The following PRKG1 variants were observed in gnomAD, a reference collection of about 807,000 sequenced individuals.
PRKG1 encodes the protein protein kinase cGMP-dependent 1.
In PRKG1, 35 loss-of-function variants were observed where a neutral mutation model predicts 88.1. That is an observed-to-expected ratio of 0.40 (90% confidence interval 0.30 to 0.53). The LOEUF (loss-of-function observed/expected upper bound fraction) is 0.53. Ranked by LOEUF, PRKG1 falls within the 20% of genes least tolerant of loss-of-function variation. The pLI is 0.59. For synonymous variants in PRKG1, 303 were observed against 292.5 expected (o/e 1.04, Z -0.37); for missense variants, 540 against 839.8 (o/e 0.64, Z 4.41).
At chr10:51,867,961 G>C (rs1041111498) in intron 4 of PRKG1, among the ~76,000 whole-genome samples, 5 of 151,998 alleles carry the variant, frequency 3.3e-5, no homozygotes, top group Non-Finnish European at 5.9e-5. Context: ...TTGACTTCAC[G>C]TATAAATTCC....
At chr10:51,458,460 A>G (rs1839653645) in intron 2 of PRKG1, among the ~76,000 whole-genome samples, 1 of 151,816 alleles carries the variant, frequency 6.6e-6, no homozygotes, top group Non-Finnish European at 1.5e-5. Flanking sequence ...CAGATATGGT[A>G]TGAATTAAAT....
At chr10:51,386,288 T>C (rs148099343) in intron 2 of PRKG1, among the ~76,000 whole-genome samples, 12 of 152,226 alleles carry the variant, frequency 7.9e-5, no homozygotes, top group African/African-American at 2.9e-4. Context: ...AGTCATGTAT[T>C]ACTCAGGGTT....
chr10:51,895,470 C>A (rs1032686624), intron 4 of PRKG1, among the ~76,000 whole-genome samples: 1 of 152,226 alleles, frequency 6.6e-6, no homozygotes, highest in Middle Eastern at 3.4e-3. Flanking sequence ...TCTTCCTGCC[C>A]TGTCATTTTG....
chr10:52,290,170 G>A, intron 16 of PRKG1, 54 bp from the exon 17 acceptor site: 1 of 1,516,878 alleles, frequency 6.6e-7, no homozygotes, highest in Non-Finnish European at 9.1e-7. Flanking sequence ...ACACTGCAAT[G>A]AGAAGCTTTT....
intron 3 of PRKG1, among the ~76,000 whole-genome samples, chr10:51,643,186 A>T (rs7899688): frequency 2.6e-5 from 4 of 152,138 alleles, no homozygotes; most frequent in Non-Finnish European, 5.9e-5. Context: ...AACAGGTGTC[A>T]TATTTGAGAA....
chr10:51,163,584 G>T (rs1846428615), intron 2 of PRKG1, among the ~76,000 whole-genome samples: 1 of 152,230 alleles, frequency 6.6e-6, no homozygotes, highest in Non-Finnish European at 1.5e-5. Flanking sequence ...AGCCGAAGCA[G>T]GGCGAGGCAT....
At chr10:51,723,301 G>A (rs1270507379) in intron 3 of PRKG1, among the ~76,000 whole-genome samples, 1 of 152,172 alleles carries the variant, frequency 6.6e-6, no homozygotes, top group Non-Finnish European at 1.5e-5. Context: ...CCATAAAAAG[G>A]ACGAGTTCAT....
chr10:51,225,044 A>G (rs890613848), intron 2 of PRKG1, among the ~76,000 whole-genome samples: 5 of 152,230 alleles, frequency 3.3e-5, no homozygotes, highest in African/African-American at 4.8e-5. Context: ...AAGGAAATAT[A>G]CACTGTTTTA....
At chr10:51,609,622 A>C (rs1341738428) in intron 3 of PRKG1, among the ~76,000 whole-genome samples, 1 of 152,228 alleles carries the variant, frequency 6.6e-6, no homozygotes, top group Non-Finnish European at 1.5e-5. Flanking sequence ...GATAAAGAAA[A>C]TGCAATACAT....
chr10:51,298,695 G>C (rs1840788843), intron 2 of PRKG1, among the ~76,000 whole-genome samples: 1 of 152,214 alleles, frequency 6.6e-6, no homozygotes, highest in African/African-American at 2.4e-5. Flanking sequence ...ACATTAGATG[G>C]ATGAAAGAAT....
At position 51,751,883 on chromosome 10, in the gene PRKG1, C is replaced by T. The variant is rs570924482; in HGVS notation, c.593-52702C>T. On this transcript the variant is annotated intron_variant, in intron 3 of 17. Coordinates refer to ENST00000373980, the MANE Select transcript of PRKG1 (RefSeq NM_006258.4). ...GCCTGGCCTACATAAGTATTTGTTG[C>T]GTAAAGTAATAAATATCTGAATGGA... Among the ~76,000 whole-genome samples the T allele has an allele frequency of 1.8e-4, 28 of 151,696 alleles. No individual in the cohort carries two copies. The South Asian group carries it at 4.6e-3, about 25-fold the overall frequency.
At chr10:51,357,358 CA>C (rs1842388141) in intron 2 of PRKG1, among the ~76,000 whole-genome samples, 1 of 151,940 alleles carries the variant, frequency 6.6e-6, no homozygotes, top group Non-Finnish European at 1.5e-5. Context: ...AGAGGGAAAG[CA>C]GCTTCTGTCT....
chr10:51,519,286 C>T (rs1362546295), intron 3 of PRKG1, among the ~76,000 whole-genome samples: 2 of 152,108 alleles, frequency 1.3e-5, no homozygotes, highest in Non-Finnish European at 2.9e-5. Flanking sequence ...TTAACCTTTT[C>T]AACAACCTAT....
chr10:51,886,349 T>C (rs1310032045), intron 4 of PRKG1, among the ~76,000 whole-genome samples: 1 of 152,202 alleles, frequency 6.6e-6, no homozygotes. Context: ...AACATCATCA[T>C]TGGCACTTAA....
At chr10:51,089,831 T>C (rs1428354459) in intron 1 of PRKG1, among the ~76,000 whole-genome samples, 1 of 152,136 alleles carries the variant, frequency 6.6e-6, no homozygotes, top group Non-Finnish European at 1.5e-5. Flanking sequence ...ATAACCTAAA[T>C]CCAATAGTTC....
chr10:51,087,578 T>C (rs1844284714), intron 1 of PRKG1, among the ~76,000 whole-genome samples: 1 of 152,222 alleles, frequency 6.6e-6, no homozygotes, highest in Non-Finnish European at 1.5e-5. Flanking sequence ...CATCAACTCA[T>C]TTTTAGCAGA....
intron 5 of PRKG1, among the ~76,000 whole-genome samples, chr10:51,943,512 G>A (rs1842956241): frequency 6.6e-6 from 1 of 152,032 alleles, no homozygotes; most frequent in African/African-American, 2.4e-5. Flanking sequence ...TGGTGAGAGA[G>A]GGCATCCCTG....
At chr10:51,313,274 G>A (rs1161578112) in intron 2 of PRKG1, among the ~76,000 whole-genome samples, 1 of 152,142 alleles carries the variant, frequency 6.6e-6, no homozygotes, top group African/African-American at 2.4e-5. Flanking sequence ...AGAGAGGTGA[G>A]CGTACTGGAT....
intron 9 of PRKG1, among the ~76,000 whole-genome samples, chr10:52,204,090 TATTA>T (rs1439037024): frequency 2.7e-4 from 17 of 62,932 alleles, no homozygotes; most frequent in African/African-American, 5.3e-4. Flanking sequence ...TTATTATTAT[TATTA>T]TTATTATTAT....
Sources: gnomAD v4.1 joint callset for allele counts (sites outside exome capture counted in the v4.1 genomes callset) on GRCh38, gnomAD v4.1.1 for gene constraint, MANE v1.5 for transcripts, NCBI Gene and HGNC (gene_info 2026-07-23, HGNC 2026-07-21) for gene names.